The following NRG3 variants were observed in gnomAD, a reference collection of about 807,000 sequenced individuals.
The protein encoded by NRG3 is neuregulin 3, also known as pro-neuregulin-3, membrane-bound isoform.
A neutral mutation model predicts 66.9 loss-of-function variants in NRG3; 31 were observed. The ratio of observed to expected loss-of-function variants is 0.46; its 90% CI spans 0.35 to 0.63. The LOEUF (loss-of-function observed/expected upper bound fraction) is 0.63. Ranked by LOEUF, NRG3 falls within the 20% of genes least tolerant of loss-of-function variation. The pLI, the probability that NRG3 is intolerant of heterozygous loss-of-function variation, is 0.00. For missense variants in NRG3, 910 were observed against 878.9 expected (o/e 1.04, Z -0.45); for synonymous variants, 393 against 359.4 (o/e 1.09, Z -1.06).
chr10:81,978,369 A>G (rs539748972), intron 1 of NRG3, among the ~76,000 whole-genome samples: 4 of 152,274 alleles, frequency 2.6e-5, no homozygotes, highest in African/African-American at 4.8e-5. Flanking sequence ...AATTTATGCT[A>G]TTGCTTTGAG....
At chr10:82,542,034 G>A (rs746171164) in intron 2 of NRG3, among the ~76,000 whole-genome samples, 4 of 152,026 alleles carry the variant, frequency 2.6e-5, no homozygotes, top group African/African-American at 4.8e-5. Context: ...TTTAAGCCCC[G>A]CATGCATTAG....
Position 82,985,512 on chromosome 10 carries a change from C to T in NRG3, c.1998C>T (p.Ala666=). The T allele has an allele frequency of 6.2e-7, 1 of 1,614,034 alleles. No individual in the cohort carries two copies. The highest frequency in any genetic ancestry group is 2.2e-5 in the East Asian group (1 of 44,852). ...AGGACAGTGCAAGCGAAAACACAGC[C>T]TTTCTCCCCCTGAGTCCCACAGCCA... ...ETEDSASENT[A]FLPLSPTAKS... Residue 666 remains alanine, a synonymous_variant, in exon 9 of 9, where the codon GCC becomes GCT. Coordinates refer to ENST00000372141, the MANE Select transcript of NRG3 (RefSeq NM_001010848.4).
chr10:82,352,731 T>C (rs1280899623), intron 1 of NRG3, among the ~76,000 whole-genome samples: 2 of 152,006 alleles, frequency 1.3e-5, no homozygotes, highest in African/African-American at 4.8e-5. Flanking sequence ...ATTTAAACAA[T>C]TGTGGCTTGT....
chr10:82,018,832 T>G (rs200521225), intron 1 of NRG3, among the ~76,000 whole-genome samples: 5,200 of 152,228 alleles, frequency 0.034, 205 homozygotes, highest in East Asian at 0.14. Context: ...AAGGAGATTT[T>G]GGGCTGAGAC....
intron 6 of NRG3, among the ~76,000 whole-genome samples, chr10:82,965,405 C>G (rs545103287): frequency 6.6e-6 from 1 of 152,108 alleles, no homozygotes; most frequent in African/African-American, 2.4e-5. Flanking sequence ...TAGCTTGTCT[C>G]GGAGATAGAA....
At chr10:81,930,890 G>A (rs1157075416) in intron 1 of NRG3, among the ~76,000 whole-genome samples, 1 of 152,150 alleles carries the variant, frequency 6.6e-6, no homozygotes, top group Non-Finnish European at 1.5e-5. Context: ...AGTTGCTGGG[G>A]TCTGTCTGGA....
chr10:82,102,189 A>C, intron 1 of NRG3, among the ~76,000 whole-genome samples: 1 of 135,908 alleles, frequency 7.4e-6, no homozygotes, highest in African/African-American at 2.8e-5. Context: ...CTTCTTGGGT[A>C]ATTGAGCCTT....
chr10:82,063,160 G>A (rs2064256035), intron 1 of NRG3, among the ~76,000 whole-genome samples: 2 of 152,132 alleles, frequency 1.3e-5, no homozygotes, highest in South Asian at 4.1e-4. Flanking sequence ...CAGTTCTTCT[G>A]TGGTTCTACA....
intron 2 of NRG3, among the ~76,000 whole-genome samples, chr10:82,541,697 C>T (rs1001747642): frequency 6.6e-6 from 1 of 152,094 alleles, no homozygotes; most frequent in Non-Finnish European, 1.5e-5. Context: ...TCATTTATGC[C>T]TTTTAGTTTT....
At chr10:82,611,401 G>C (rs1057067038) in intron 2 of NRG3, among the ~76,000 whole-genome samples, 2 of 151,948 alleles carry the variant, frequency 1.3e-5, no homozygotes, top group African/African-American at 4.8e-5. Flanking sequence ...ATTTCTCCCA[G>C]TGCTATCCCT....
At chr10:82,865,709 C>T (rs887379572) in intron 4 of NRG3, among the ~76,000 whole-genome samples, 9 of 152,134 alleles carry the variant, frequency 5.9e-5, no homozygotes, top group Non-Finnish European at 1.2e-4. Context: ...TCCTCTAATT[C>T]TCAATTTTCA....
intron 1 of NRG3, among the ~76,000 whole-genome samples, chr10:82,124,510 A>C (rs2068298400): frequency 6.6e-6 from 1 of 151,850 alleles, no homozygotes; most frequent in Admixed American, 6.6e-5. Flanking sequence ...CTCGTAAGTG[A>C]GGCGGAACTT....
At chr10:81,952,808 G>A (rs1236738079) in intron 1 of NRG3, among the ~76,000 whole-genome samples, 3 of 151,932 alleles carry the variant, frequency 2.0e-5, no homozygotes, top group Non-Finnish European at 4.4e-5. Context: ...AAGAGATCTT[G>A]CTATGTTGCC....
chr10:82,933,489 G>A (rs185517422), intron 4 of NRG3, among the ~76,000 whole-genome samples: 26 of 152,170 alleles, frequency 1.7e-4, no homozygotes, highest in African/African-American at 5.1e-4. Flanking sequence ...CAATTTGCTC[G>A]TAGTTCATTA....
At chr10:82,274,292 A>G (rs2134353312) in intron 1 of NRG3, among the ~76,000 whole-genome samples, 1 of 152,198 alleles carries the variant, frequency 6.6e-6, no homozygotes, top group South Asian at 2.1e-4. Flanking sequence ...TTTTCTTCCC[A>G]TGCTCATAGA....
intron 1 of NRG3, among the ~76,000 whole-genome samples, chr10:82,132,505 C>CAT (rs367993461): frequency 0.32 from 19,291 of 59,762 alleles, 5,128 homozygotes; most frequent in South Asian, 0.42. Flanking sequence ...ATATATATAT[C>CAT]ATATATATAT....
intron 2 of NRG3, among the ~76,000 whole-genome samples, chr10:82,410,684 A>G (rs2088007300): frequency 6.6e-6 from 1 of 152,038 alleles, no homozygotes. Context: ...TGTATAATTT[A>G]AAAGGGCAAA....
intron 2 of NRG3, among the ~76,000 whole-genome samples, chr10:82,482,544 C>T (rs1842362061): frequency 6.6e-6 from 1 of 151,636 alleles, no homozygotes; most frequent in Non-Finnish European, 1.5e-5. Flanking sequence ...GGGAAACAGG[C>T]AAGGTCAGTG....
At chr10:82,295,391 C>A (rs904356732) in intron 1 of NRG3, among the ~76,000 whole-genome samples, 2 of 151,984 alleles carry the variant, frequency 1.3e-5, no homozygotes, top group Admixed American at 6.6e-5. Context: ...AACAATGAGC[C>A]TAGTGTCAAA....
Sources: gnomAD v4.1 joint callset for allele counts (sites outside exome capture counted in the v4.1 genomes callset) on GRCh38, gnomAD v4.1.1 for gene constraint, MANE v1.5 for transcripts, NCBI Gene and HGNC (gene_info 2026-07-23, HGNC 2026-07-21) for gene names.